The following ZNF676 variants were observed in gnomAD, a reference collection of about 807,000 sequenced individuals.
The protein encoded by ZNF676 is zinc finger protein 676.
ZNF676 carries 4 observed loss-of-function variants against 6.0 expected under a neutral mutation model. The observed-to-expected ratio is 0.67, with a 90% CI of 0.33 to 1.53. The LOEUF (loss-of-function observed/expected upper bound fraction) is 1.53. ZNF676 is among the 40% of genes most tolerant of loss of function. The pLI is 0.06. For synonymous variants in ZNF676, 198 were observed against 223.1 expected (o/e 0.89, Z 1.00); for missense variants, 644 against 679.7 (o/e 0.95, Z 0.58).
chr19:22,231,281 G>A, the ZNF676 span, among the ~76,000 whole-genome samples: 4 of 151,140 alleles, frequency 2.6e-5, no homozygotes, highest in African/African-American at 7.3e-5. Context: ...AAATCAAAAC[G>A]ACACAAAGGA....
upstream of ZNF676, among the ~76,000 whole-genome samples, chr19:22,220,518 T>A (rs542439277): frequency 6.7e-6 from 1 of 150,258 alleles, no homozygotes; most frequent in East Asian, 2.0e-4. Flanking sequence ...AGTGCAGTGG[T>A]GCGATGTTGA....
intron 2 of ZNF676, among the ~76,000 whole-genome samples, chr19:22,189,110 A>G (rs1239198671): frequency 2.0e-5 from 3 of 152,182 alleles, no homozygotes; most frequent in African/African-American, 7.2e-5. Context: ...AAATTATACT[A>G]CAAGGCTACA....
chr19:22,196,937 C>A lies in ZNF676; in HGVS notation c.-304G>T. 1.9e-6 allele frequency: 1 copy of A among 530,710 alleles called. No homozygotes were observed. Among genetic ancestry groups the A allele is most frequent in the South Asian group, 2.4e-5 (1 of 41,840 alleles). 32.9% of individuals were successfully genotyped at this position (530,710 alleles called of 1,614,324 possible). A position where few individuals can be genotyped will look rare whatever the true frequency, so the allele number is the denominator to read the frequency against. The stretch of plus-strand genomic sequence containing the variant: ...GAAAGTGGTATAAGATCCATAACAT[C>A]TGTGTATATGTAATATTTTTCTAGA... On this transcript the variant is annotated 5_prime_UTR_variant, in exon 1 of 3. Transcript: ENST00000397121.
At chr19:22,241,051 A>C in the ZNF676 span, among the ~76,000 whole-genome samples, 1 of 151,970 alleles carries the variant, frequency 6.6e-6, no homozygotes, top group Non-Finnish European at 1.5e-5. Context: ...AGGGCCTGAC[A>C]GTGCATCACA....
intron 1 of ZNF676, among the ~76,000 whole-genome samples, chr19:22,208,476 A>C (rs1455893981): frequency 6.6e-6 from 1 of 152,184 alleles, no homozygotes; most frequent in Admixed American, 6.5e-5. Flanking sequence ...TTCCTCACTA[A>C]ACTAAAAATA....
the ZNF676 span, among the ~76,000 whole-genome samples, chr19:22,227,617 G>A: frequency 7.9e-5 from 12 of 152,112 alleles, no homozygotes; most frequent in African/African-American, 2.9e-4. Flanking sequence ...CTGCTAGCCA[G>A]ACTAATAAAG....
the ZNF676 span, among the ~76,000 whole-genome samples, chr19:22,230,613 T>C: frequency 6.6e-6 from 1 of 150,940 alleles, no homozygotes; most frequent in South Asian, 2.1e-4. Flanking sequence ...TGTATATATA[T>C]GTATGTATAT....
chr19:22,187,815 A>C (rs1182705455), intron 2 of ZNF676, among the ~76,000 whole-genome samples: 1 of 152,196 alleles, frequency 6.6e-6, no homozygotes, highest in Admixed American at 6.5e-5. Flanking sequence ...CCAAGTCTAA[A>C]TCAGGAAGAA....
chr19:22,219,714 G>A (rs1478917569), upstream of ZNF676, among the ~76,000 whole-genome samples: 3 of 151,584 alleles, frequency 2.0e-5, no homozygotes, highest in South Asian at 2.1e-4. Flanking sequence ...GGAGTGCAAT[G>A]TCAGGATCTC....
At chr19:22,252,009 G>T in the ZNF676 span, among the ~76,000 whole-genome samples, 16,532 of 152,126 alleles carry the variant, frequency 0.11, 1,145 homozygotes, top group Admixed American at 0.16. Flanking sequence ...AGATAAGCTT[G>T]CTCAATGTTT....
chr19:22,188,996 A>G (rs1280567678), intron 2 of ZNF676, among the ~76,000 whole-genome samples: 1 of 150,188 alleles, frequency 6.7e-6, no homozygotes, highest in African/African-American at 2.5e-5. Context: ...AGAATTAGAA[A>G]AAACTACTTT....
upstream of ZNF676, among the ~76,000 whole-genome samples, chr19:22,217,444 C>T (rs1363249716): frequency 6.6e-6 from 1 of 152,122 alleles, no homozygotes; most frequent in South Asian, 2.1e-4. Flanking sequence ...CTCAGGTGAT[C>T]GCCCACCTCA....
chr19:22,235,552 G>A, the ZNF676 span, among the ~76,000 whole-genome samples: 2 of 152,158 alleles, frequency 1.3e-5, no homozygotes, highest in African/African-American at 4.8e-5. Context: ...TGGACCCCTG[G>A]AAATTTTACT....
Position 22,190,426 on chromosome 19 carries a change from C to T in ZNF676, c.130+2590G>A, listed in dbSNP as rs1382879702. 4.6e-5 allele frequency among the ~76,000 whole-genome samples: 7 copies of T among 151,814 alleles called. No individual in the cohort carries two copies. The East Asian group carries it at 1.4e-3, about 29-fold the overall frequency. On this transcript the variant is annotated intron_variant, in intron 2 of 2. Coordinates refer to ENST00000397121, the MANE Select transcript of ZNF676 (RefSeq NM_001001411.3). ...GAAATGTTCCTCAAATTTCTCACTG[C>T]ATTTTTGAAAAAATAGAAACAGCAA...
chr19:22,257,168 G>A, the ZNF676 span, among the ~76,000 whole-genome samples: 1 of 152,032 alleles, frequency 6.6e-6, no homozygotes, highest in African/African-American at 2.4e-5. Context: ...CTAGTTTCTG[G>A]GACCAGCAAT....
At chr19:22,199,982 C>T (rs771754506), upstream of ZNF676, among the ~76,000 whole-genome samples, 49 of 152,090 alleles carry the variant, frequency 3.2e-4, no homozygotes, top group Admixed American at 2.0e-4. Context: ...CTCTTCTAAT[C>T]AGTTCTTTGA....
chr19:22,205,012 T>C (rs765650992), intron 1 of ZNF676, among the ~76,000 whole-genome samples: 5 of 152,192 alleles, frequency 3.3e-5, no homozygotes, highest in Non-Finnish European at 5.9e-5. Flanking sequence ...TTATATTTTC[T>C]CTTACAAAAG....
intron 2 of ZNF676, among the ~76,000 whole-genome samples, chr19:22,183,239 A>G (rs1205171812): frequency 1.3e-5 from 2 of 152,204 alleles, no homozygotes; most frequent in African/African-American, 2.4e-5. Flanking sequence ...AGAATTAAAT[A>G]GAATAGGTAA....
upstream of ZNF676, among the ~76,000 whole-genome samples, chr19:22,218,500 A>ATT (rs142770128): frequency 3.7e-4 from 51 of 136,164 alleles, no homozygotes; most frequent in African/African-American, 1.1e-3. Context: ...ACCCAGCTAA[A>ATT]TTTTTTTTTT....
Sources: allele counts gnomAD v4.1 joint callset (sites outside exome capture counted in the v4.1 genomes callset), GRCh38; gene constraint gnomAD v4.1.1; transcripts MANE v1.5; gene names NCBI Gene and HGNC (gene_info 2026-07-23, HGNC 2026-07-21).